ACMSD: variants seen among roughly 807,000 people sequenced by gnomAD.
The protein encoded by ACMSD is aminocarboxymuconate semialdehyde decarboxylase, also known as 2-amino-3-carboxymuconate-6-semialdehyde decarboxylase.
A neutral mutation model predicts 45.9 loss-of-function variants in ACMSD; 37 were observed. That is an observed-to-expected ratio of 0.81 (90% CI 0.62 to 1.06). ACMSD has a LOEUF of 1.06. Among genes scored for constraint, ACMSD ranks in the 50% least tolerant of loss-of-function variants. The pLI is 0.00. For missense variants in ACMSD, 434 were observed against 420.9 expected, an observed-to-expected ratio of 1.03 and a Z score of -0.27; for synonymous variants, 138 against 148.8, an observed-to-expected ratio of 0.93 and a Z score of 0.53.
At chr2:134,860,748 G>A (rs1188548536) in intron 3 of ACMSD, among the ~76,000 whole-genome samples, 1 of 149,860 alleles carries the variant, frequency 6.7e-6, no homozygotes, top group East Asian at 2.1e-4. Flanking sequence ...AGCCAGGTGT[G>A]GTAGTTCATG....
At chr2:134,881,005 C>A (rs896682304) in intron 8 of ACMSD, among the ~76,000 whole-genome samples, 2 of 152,106 alleles carry the variant, frequency 1.3e-5, no homozygotes, top group African/African-American at 2.4e-5. Flanking sequence ...TATTCACTTT[C>A]TTTATTTATT....
chr2:134,893,529 C>T (rs906105956), intron 8 of ACMSD, among the ~76,000 whole-genome samples: 2 of 152,086 alleles, frequency 1.3e-5, no homozygotes, highest in Non-Finnish European at 2.9e-5. Context: ...TCTCTTTCCA[C>T]CTCCCTGTCT....
intron 2 of ACMSD, among the ~76,000 whole-genome samples, chr2:134,847,217 A>G (rs1017631160): frequency 6.6e-6 from 1 of 152,186 alleles, no homozygotes; most frequent in African/African-American, 2.4e-5. Flanking sequence ...TCTGTGGAGA[A>G]CACATAGAGG....
intron 1 of ACMSD, among the ~76,000 whole-genome samples, chr2:134,840,938 A>G (rs1231081022): frequency 6.6e-6 from 1 of 152,100 alleles, no homozygotes; most frequent in Non-Finnish European, 1.5e-5. Flanking sequence ...CCGAGTCCCC[A>G]AAGTCCATCG....
At chr2:134,896,507 T>TCC (rs1690160906) in intron 8 of ACMSD, among the ~76,000 whole-genome samples, 10 of 152,166 alleles carry the variant, frequency 6.6e-5, no homozygotes, top group Admixed American at 6.5e-4. Flanking sequence ...TTAGTAGACA[T>TCC]TTCTCCAAGG....
chr2:134,844,241 A>C (rs1686949826), intron 1 of ACMSD: 1 of 152,248 alleles, frequency 6.6e-6, no homozygotes, highest in Non-Finnish European at 1.5e-5. Context: ...GACTCAGTAC[A>C]AACATTTATA....
chr2:134,894,611 G>A (rs1450778853), intron 8 of ACMSD, among the ~76,000 whole-genome samples: 3 of 151,448 alleles, frequency 2.0e-5, no homozygotes, highest in Non-Finnish European at 4.4e-5. Flanking sequence ...GGAGTGGAAG[G>A]GAACATCCTC....
Position 134,861,967 on chromosome 2 carries a change from A to G in ACMSD, c.200-2A>G. The G allele has an allele frequency of 6.2e-7, 1 of 1,614,108 alleles. No individual in the cohort carries two copies. The highest frequency in any genetic ancestry group is 8.5e-7 in the Non-Finnish European group (1 of 1,180,006). On this transcript the variant is annotated splice_acceptor_variant, in intron 3 of 9. Transcript: ENST00000356140. LOFTEE classifies it high-confidence loss of function. ...TTTGCCCTTCTTTGTGTCCATGTCT[A>G]GGAGTAACAGTGCAAGCCCTTTCCA... is the stretch of plus-strand genomic sequence containing the variant.
chr2:134,840,194 C>CAAAACAAAAAAAAA (rs1300580743), intron 1 of ACMSD, among the ~76,000 whole-genome samples: 5 of 68,766 alleles, frequency 7.3e-5, no homozygotes, highest in East Asian at 9.4e-4. Context: ...AAAAAAAAAA[C>CAAAACAAAAAAAAA]CACTAATTCC....
intron 8 of ACMSD, among the ~76,000 whole-genome samples, chr2:134,895,375 C>T (rs143292315): frequency 0.029 from 2,672 of 91,362 alleles, 88 homozygotes; most frequent in African/African-American, 0.1. Context: ...ATATATGTTA[C>T]AAAACATTGT....
At chr2:134,899,048 T>TA (rs1690347353) in intron 9 of ACMSD, among the ~76,000 whole-genome samples, 1 of 152,166 alleles carries the variant, frequency 6.6e-6, no homozygotes, top group South Asian at 2.1e-4. Flanking sequence ...TCCAAAAAAA[T>TA]AAGTTCTTCC....
intron 8 of ACMSD, among the ~76,000 whole-genome samples, chr2:134,874,985 A>C (rs557390532): frequency 1.4e-4 from 21 of 152,298 alleles, no homozygotes; most frequent in African/African-American, 4.8e-4. Flanking sequence ...AAATGGTAAA[A>C]GTGGCTGCCT....
At chr2:134,841,567 T>C (rs1417994062) in intron 1 of ACMSD, among the ~76,000 whole-genome samples, 1 of 152,152 alleles carries the variant, frequency 6.6e-6, no homozygotes. Flanking sequence ...TTGATCAAAT[T>C]GTTTCTGATG....
intron 4 of ACMSD, among the ~76,000 whole-genome samples, chr2:134,862,282 T>C (rs1573645146): frequency 6.6e-6 from 1 of 152,142 alleles, no homozygotes; most frequent in East Asian, 1.9e-4. Flanking sequence ...AGCCTTAATC[T>C]CCACCAGAAC....
chr2:134,862,018 G>T lies in ACMSD; in HGVS notation c.249G>T (p.Trp83Cys), dbSNP rs762793455. 3.1e-6 allele frequency: 5 copies of T among 1,614,100 alleles called. No individual in the cohort carries two copies. In the Admixed American group the frequency reaches 8.3e-5, roughly 27 times the overall value. Residue 83 changes from tryptophan to cysteine, a missense_variant and splice_region_variant, in exon 4 of 10, where the codon TGG (tryptophan) becomes TGT (cysteine). By Grantham distance (215) the Trp-to-Cys change is radical. Transcript: ENST00000356140. ...LSTVPVMFSY[W>C]AKPEDTLNLC... ...CAGTTCCTGTCATGTTTAGCTACTG[G>T]GTGAGTGTGAAACCTCAAGCCATCT...
At position 134,867,590 on chromosome 2, in the gene ACMSD, G is replaced by C. The variant is rs1688164584; in HGVS notation, c.498G>C (p.Arg166Ser). 6.2e-7 allele frequency: 1 copy of C among 1,613,764 alleles called. No individual in the cohort carries two copies. Among genetic ancestry groups the C allele is most frequent in the Admixed American group, 1.7e-5 (1 of 59,990 alleles). The change falls in exon 6 of 10, where the codon AGG (arginine) becomes AGC (serine). Residue 166 changes from arginine to serine, a missense_variant. Physicochemically the swap from Arg to Ser is moderately radical, Grantham distance 110 (BLOSUM62 -1). Transcript: ENST00000356140. ...ELFPVYAAAE[R>S]LKCSLFVHPW... ...TTGCTTCTTTGAAGGCAGCCGAAAGGCTGAAGTGTTCCCTGTTCGTGCATC... is the reference window on the plus strand; with the variant it reads ...TTGCTTCTTTGAAGGCAGCCGAAAGCCTGAAGTGTTCCCTGTTCGTGCATC...
At chr2:134,889,527 A>G (rs1344173630) in intron 8 of ACMSD, among the ~76,000 whole-genome samples, 1 of 152,188 alleles carries the variant, frequency 6.6e-6, no homozygotes, top group South Asian at 2.1e-4. Flanking sequence ...CAGGTCAAAA[A>G]TAGTTTTAAA....
intron 2 of ACMSD, among the ~76,000 whole-genome samples, chr2:134,845,531 CT>C (rs1468197533): frequency 2.6e-5 from 4 of 151,178 alleles, no homozygotes; most frequent in African/African-American, 9.7e-5. Context: ...CTCTCTCTCT[CT>C]CTCTCTCTCT....
chr2:134,863,750 A>G, intron 5 of ACMSD, 119 bp downstream of exon 5: 1 of 1,017,994 alleles, frequency 9.8e-7, no homozygotes, highest in East Asian at 2.6e-5. Context: ...AGCGGTGTCC[A>G]CGACTTGTTT....
Sources: gnomAD v4.1 joint callset for allele counts (sites outside exome capture counted in the v4.1 genomes callset) on GRCh38, gnomAD v4.1.1 for gene constraint, MANE v1.5 for transcripts, NCBI Gene and HGNC (gene_info 2026-07-23, HGNC 2026-07-21) for gene names.